The following SLC39A10 variants were observed in gnomAD, a reference collection of about 807,000 sequenced individuals.
SLC39A10 encodes the protein zinc transporter ZIP10.
A neutral mutation model predicts 65.1 loss-of-function variants in SLC39A10; 13 were observed. The ratio of observed to expected loss-of-function variants is 0.20; its 90% CI spans 0.13 to 0.32. The LOEUF (loss-of-function observed/expected upper bound fraction) is 0.32, where lower values mean the gene tolerates loss of function less well. Ranked by LOEUF, SLC39A10 falls within the 10% of genes least tolerant of loss-of-function variation. The pLI is 1.00. For synonymous variants in SLC39A10, 321 were observed against 342.2 expected (o/e 0.94, Z 0.68); for missense variants, 831 against 1,018.4 (o/e 0.82, Z 2.50).
At chr2:195,644,337 A>AT (rs11356815) in intron 2 of SLC39A10, among the ~76,000 whole-genome samples, 31 of 85,940 alleles carry the variant, frequency 3.6e-4, no homozygotes, top group South Asian at 4.1e-4. Flanking sequence ...TCTCAAATAA[A>AT]TTTTTTTTTT....
At chr2:195,646,928 TC>T (rs1688932098) in intron 2 of SLC39A10, among the ~76,000 whole-genome samples, 1 of 152,134 alleles carries the variant, frequency 6.6e-6, no homozygotes, top group South Asian at 2.1e-4. Flanking sequence ...AGGAGACTGG[TC>T]CCTGGCGCCA....
At chr2:195,653,396 C>T (rs1173062486), upstream of SLC39A10, among the ~76,000 whole-genome samples, 1 of 151,512 alleles carries the variant, frequency 6.6e-6, no homozygotes, top group East Asian at 1.9e-4. Context: ...TGGGTTCAAG[C>T]GAGTCTCCCT....
chr2:195,712,834 T>G (rs1057506349), intron 5 of SLC39A10, among the ~76,000 whole-genome samples: 5 of 152,210 alleles, frequency 3.3e-5, no homozygotes, highest in African/African-American at 1.2e-4. Flanking sequence ...ATGCTTGTCT[T>G]TACTATAAGA....
At chr2:195,655,785 A>G (rs1399285996), upstream of SLC39A10, among the ~76,000 whole-genome samples, 1 of 152,246 alleles carries the variant, frequency 6.6e-6, no homozygotes, top group Non-Finnish European at 1.5e-5. Context: ...AGGGCATATG[A>G]GTAGTTCAGT....
At chr2:195,654,612 T>C (rs1196022022), upstream of SLC39A10, among the ~76,000 whole-genome samples, 10 of 151,790 alleles carry the variant, frequency 6.6e-5, no homozygotes, top group East Asian at 1.7e-3. Flanking sequence ...GTACTGAAAA[T>C]CATTTATACT....
At chr2:195,641,856 T>G (rs1340720682) in intron 2 of SLC39A10, among the ~76,000 whole-genome samples, 1 of 152,022 alleles carries the variant, frequency 6.6e-6, no homozygotes, top group Non-Finnish European at 1.5e-5. Context: ...CACACCTGGC[T>G]AATGTTTTTA....
At chr2:195,731,552 ATAGT>A (rs1692433313) in intron 9 of SLC39A10, among the ~76,000 whole-genome samples, 2 of 152,130 alleles carry the variant, frequency 1.3e-5, no homozygotes, top group Non-Finnish European at 2.9e-5. Context: ...TAGTTTATAT[ATAGT>A]TAGTATTTCC....
chr2:195,664,377 T>A lies in SLC39A10; in HGVS notation c.-12+7096T>A, dbSNP rs531320164. Reference sequence around the variant, plus strand: ...TTATAGCTTTTCTTTTAAAAAAAAATAAGAAAATATACACTAAAATATGGG... The same window carrying A: ...TTATAGCTTTTCTTTTAAAAAAAAAAAAGAAAATATACACTAAAATATGGG... On this transcript the variant is annotated intron_variant, in intron 1 of 9. Transcript: ENST00000359634. Among the ~76,000 whole-genome samples, 4 of 151,584 alleles carry A rather than the reference T, an allele frequency of 2.6e-5. No individual in the cohort carries two copies. The South Asian group carries it at 6.2e-4, about 24-fold the overall frequency.
At chr2:195,720,937 A>T (rs1692011020) in intron 8 of SLC39A10, among the ~76,000 whole-genome samples, 1 of 151,982 alleles carries the variant, frequency 6.6e-6, no homozygotes, top group African/African-American at 2.4e-5. Flanking sequence ...ATAGAGCTGG[A>T]TTTTATATAT....
At chr2:195,696,091 A>AC (rs1344114419) in intron 3 of SLC39A10, among the ~76,000 whole-genome samples, 12 of 152,210 alleles carry the variant, frequency 7.9e-5, no homozygotes, top group Admixed American at 1.3e-4. Flanking sequence ...AAATCATTTA[A>AC]CCATATATTT....
chr2:195,632,392 C>T (rs570659681), intron 2 of SLC39A10, among the ~76,000 whole-genome samples: 3 of 148,006 alleles, frequency 2.0e-5, no homozygotes, highest in South Asian at 4.4e-4. Flanking sequence ...CTCCTCGTCC[C>T]GGGTTCAAGT....
chr2:195,646,717 G>A (rs1376911726), intron 2 of SLC39A10, among the ~76,000 whole-genome samples: 1 of 151,846 alleles, frequency 6.6e-6, no homozygotes, highest in Admixed American at 6.6e-5. Context: ...GAGGGTGAGC[G>A]AGCATTACCG....
At chr2:195,687,264 C>A (rs1574271928) in intron 3 of SLC39A10, among the ~76,000 whole-genome samples, 1 of 152,102 alleles carries the variant, frequency 6.6e-6, no homozygotes, top group African/African-American at 2.4e-5. Flanking sequence ...TTGTTCCTTA[C>A]AGAGAAAAAT....
At chr2:195,622,631 G>A (rs1343594348) in intron 2 of SLC39A10, among the ~76,000 whole-genome samples, 3 of 152,180 alleles carry the variant, frequency 2.0e-5, no homozygotes, top group Non-Finnish European at 4.4e-5. Context: ...GAGCTCAAAT[G>A]TTTGAGGGAG....
intron 8 of SLC39A10, among the ~76,000 whole-genome samples, chr2:195,720,734 C>G (rs1692003859): frequency 6.6e-6 from 1 of 152,212 alleles, no homozygotes. Context: ...ATAATCTTAT[C>G]TCTTGTTCAT....
intron 2 of SLC39A10, among the ~76,000 whole-genome samples, chr2:195,648,624 G>A (rs75067129): frequency 0.065 from 9,839 of 152,164 alleles, 471 homozygotes; most frequent in African/African-American, 0.13. Context: ...GCTGCAGTGA[G>A]CCAAGAGATA....
intron 4 of SLC39A10, 118 bp downstream of exon 4, chr2:195,706,903 T>C (rs985631925): frequency 1.5e-5 from 10 of 649,030 alleles, no homozygotes; most frequent in Non-Finnish European, 2.2e-5. Context: ...TATTTGCTTA[T>C]AGGATGAAGT....
At chr2:195,714,353 T>A (rs1412943079) in intron 6 of SLC39A10, among the ~76,000 whole-genome samples, 2 of 152,224 alleles carry the variant, frequency 1.3e-5, no homozygotes, top group Non-Finnish European at 2.9e-5. Context: ...CTTCATAAAT[T>A]CAGCATTTCT....
chr2:195,723,797 G>C (rs1692137535), intron 8 of SLC39A10, among the ~76,000 whole-genome samples: 2 of 151,790 alleles, frequency 1.3e-5, no homozygotes. Context: ...TTACCTATTG[G>C]GTACTGGGTA....
Sources: allele counts gnomAD v4.1 joint callset (sites outside exome capture counted in the v4.1 genomes callset), GRCh38; gene constraint gnomAD v4.1.1; transcripts MANE v1.5; gene names NCBI Gene and HGNC (gene_info 2026-07-23, HGNC 2026-07-21).